PKIG: variants seen among roughly 807,000 people sequenced by gnomAD.
PKIG encodes protein kinase (cAMP-dependent, catalytic) inhibitor gamma.
In PKIG, 1 loss-of-function variant was observed where a neutral mutation model predicts 6.8. That is an observed-to-expected ratio of 0.15 (90% CI 0.05 to 0.69). The LOEUF is 0.69. Among genes scored for constraint, PKIG ranks in the 30% least tolerant of loss-of-function variants. The pLI, the probability that PKIG is intolerant of heterozygous loss-of-function variation, is 0.82. For synonymous variants in PKIG, 39 were observed against 43.0 expected (o/e 0.91, Z 0.36); for missense variants, 77 against 104.0 (o/e 0.74, Z 1.13).
At chr20:44,576,219 G>A (rs2064896873) in intron 1 of PKIG, among the ~76,000 whole-genome samples, 1 of 150,074 alleles carries the variant, frequency 6.7e-6, no homozygotes, top group Non-Finnish European at 1.5e-5. Flanking sequence ...TATTTATTGA[G>A]TTTCCTATTT....
chr20:44,614,514 C>T lies in PKIG; in HGVS notation c.-23-20C>T. The T allele has an allele frequency of 6.2e-7, 1 of 1,600,452 alleles. No homozygotes were observed. Among genetic ancestry groups the T allele is most frequent in the Non-Finnish European group, 8.5e-7 (1 of 1,169,704 alleles). On this transcript the variant is annotated intron_variant, in intron 2 of 3. Coordinates refer to ENST00000372886, the MANE Select transcript of PKIG (RefSeq NM_001281445.2). This position sits in a 1 kb window ranked among gnomAD's most constrained non-coding sequence, Gnocchi z 4.6. ...ATGCATCTGGACTTACCTCTGCCCC[C>T]TTGCCTTCTGTCCCCACAGGCCTGA...
Position 44,618,909 on chromosome 20 carries a change from C to T in PKIG, c.*545C>T, listed in dbSNP as rs1175367913. ...TGTCATTGTGCATCTCTGAGGTTCC[C>T]TCATGGAGCTCCACAGATCCATTTT... On this transcript the variant is annotated 3_prime_UTR_variant, in exon 4 of 4. Transcript: ENST00000372886. 6.4e-6 allele frequency: 1 copy of T among 156,928 alleles called. No individual in the cohort carries two copies. The highest frequency in any genetic ancestry group is 2.4e-5 in the African/African-American group (1 of 41,448). 9.7% of individuals were successfully genotyped at this position (156,928 alleles called of 1,614,324 possible).
Position 44,615,035 on chromosome 20 carries a change from G to C in PKIG, c.151+328G>C, listed in dbSNP as rs1278252544. 2.0e-5 allele frequency among the ~76,000 whole-genome samples: 3 copies of C among 152,024 alleles called. No individual in the cohort carries two copies. The East Asian group carries it at 5.8e-4, about 29-fold the overall frequency. On this transcript the variant is annotated intron_variant, in intron 3 of 3. Coordinates refer to ENST00000372886, the MANE Select transcript of PKIG (RefSeq NM_001281445.2). ...CTCACCTGGCTGACTTTAGCGGCCG[G>C]CTTCCCTGGGCTCCCTACACCCATC...
intron 1 of PKIG, among the ~76,000 whole-genome samples, chr20:44,552,147 T>C (rs946761142): frequency 2.4e-4 from 37 of 152,334 alleles, no homozygotes; most frequent in Non-Finnish European, 1.2e-4. Flanking sequence ...ACATATTCCA[T>C]TGATCTCTTT....
intron 1 of PKIG, among the ~76,000 whole-genome samples, chr20:44,586,242 CTTAG>C (rs973094666): frequency 6.6e-5 from 10 of 152,182 alleles, no homozygotes; most frequent in Non-Finnish European, 1.2e-4. Flanking sequence ...TCATAAAGCA[CTTAG>C]TTAGTACAAA....
intron 2 of PKIG, among the ~76,000 whole-genome samples, chr20:44,599,679 G>A (rs1486558328): frequency 8.5e-5 from 13 of 152,094 alleles, no homozygotes; most frequent in Non-Finnish European, 1.3e-4. Flanking sequence ...CCAAGATCGC[G>A]CCGCTGCACT....
At chr20:44,569,775 TCC>T (rs2064839767) in intron 1 of PKIG, among the ~76,000 whole-genome samples, 1 of 152,104 alleles carries the variant, frequency 6.6e-6, no homozygotes, top group South Asian at 2.1e-4. Context: ...TATCGCACAC[TCC>T]CCGTGTAATC....
intron 1 of PKIG, among the ~76,000 whole-genome samples, chr20:44,536,910 G>A (rs2064517041): frequency 6.6e-6 from 1 of 152,108 alleles, no homozygotes. Flanking sequence ...GTTTTAGTGT[G>A]TGTTTTTTTG....
chr20:44,562,463 G>A (rs1348285669), intron 1 of PKIG, among the ~76,000 whole-genome samples: 4 of 151,768 alleles, frequency 2.6e-5, no homozygotes, highest in Non-Finnish European at 5.9e-5. Flanking sequence ...TTAGCCAGGT[G>A]TGGTGGTGTG....
chr20:44,596,126 G>A (rs1346226317), intron 2 of PKIG, among the ~76,000 whole-genome samples: 1 of 152,160 alleles, frequency 6.6e-6, no homozygotes, highest in Non-Finnish European at 1.5e-5. Flanking sequence ...AAACAAGAAA[G>A]GCAGGGTACC....
At chr20:44,577,008 A>G (rs545722149) in intron 1 of PKIG, among the ~76,000 whole-genome samples, 9 of 152,228 alleles carry the variant, frequency 5.9e-5, no homozygotes, top group African/African-American at 2.2e-4. Flanking sequence ...CTCCAAAACC[A>G]AAAAAATACG....
intron 1 of PKIG, among the ~76,000 whole-genome samples, chr20:44,532,148 GC>G (rs998852713): frequency 6.6e-6 from 1 of 152,172 alleles, no homozygotes; most frequent in Non-Finnish European, 1.5e-5. Context: ...CTTTGACCCC[GC>G]CCCGCGTTCA....
chr20:44,605,935 A>G (rs2065160581), intron 2 of PKIG, among the ~76,000 whole-genome samples: 2 of 152,082 alleles, frequency 1.3e-5, no homozygotes, highest in Non-Finnish European at 1.5e-5. Context: ...GAAATAAACA[A>G]AGGGATTTCT....
chr20:44,571,224 AAATAATAAT>A lies in PKIG; in HGVS notation c.-240-11342_-240-11334del, dbSNP rs140802204. 7.5e-3 allele frequency among the ~76,000 whole-genome samples: 1,121 copies of A among 150,188 alleles called. 15 individuals are homozygous for A. The highest frequency in any genetic ancestry group is 0.025 in the African/African-American group (1,041 of 40,918). On this transcript the variant is annotated intron_variant, in intron 1 of 4. Coordinates refer to the PKIG transcript ENST00000372887. ...TACAGCCTATGCGATAGAGAGACTC[AAATAATAAT>A]AATAATAATAATAATAATGACAAAA...
At chr20:44,570,893 G>C (rs1333656353) in intron 1 of PKIG, among the ~76,000 whole-genome samples, 3 of 152,152 alleles carry the variant, frequency 2.0e-5, no homozygotes, top group Non-Finnish European at 4.4e-5. Context: ...GATAAGGATA[G>C]TTTTATAATT....
intron 1 of PKIG, among the ~76,000 whole-genome samples, chr20:44,538,843 G>C (rs1347288908): frequency 6.6e-6 from 1 of 151,784 alleles, no homozygotes; most frequent in East Asian, 1.9e-4. Context: ...TGCTGTACTT[G>C]AACTCCTAGG....
chr20:44,564,524 C>T (rs935379332), intron 1 of PKIG, among the ~76,000 whole-genome samples: 7 of 151,760 alleles, frequency 4.6e-5, no homozygotes, highest in African/African-American at 1.7e-4. Flanking sequence ...TGTATAAGCT[C>T]TCTCTAAATT....
At chr20:44,592,498 G>A (rs1331057311) in intron 2 of PKIG, among the ~76,000 whole-genome samples, 1 of 152,290 alleles carries the variant, frequency 6.6e-6, no homozygotes, top group East Asian at 1.9e-4. Context: ...ATTAAACAGG[G>A]CAGCTGCCTT....
At chr20:44,616,236 C>G (rs554824143) in intron 3 of PKIG, among the ~76,000 whole-genome samples, 1 of 152,120 alleles carries the variant, frequency 6.6e-6, no homozygotes, top group African/African-American at 2.4e-5. Context: ...CCTCCCAGAC[C>G]GGGGAGGCAC....
Sources: gnomAD v4.1 joint callset for allele counts (sites outside exome capture counted in the v4.1 genomes callset) on GRCh38, gnomAD v4.1.1 for gene constraint, Gnocchi (gnomAD v3.1) non-coding constraint, MANE v1.5 for transcripts, NCBI Gene and HGNC (gene_info 2026-07-23, HGNC 2026-07-21) for gene names.